Variants in PRKD1 observed in about 807,000 individuals in gnomAD.
The protein encoded by PRKD1 is serine/threonine-protein kinase D1.
PRKD1 carries 63 observed loss-of-function variants against 95.9 expected under a neutral mutation model. The observed-to-expected ratio is 0.66, with a 90% CI of 0.54 to 0.81. PRKD1 has a LOEUF of 0.81. PRKD1 is among the 30% of genes least tolerant of loss of function. PRKD1 has a pLI of 0.00. For synonymous variants in PRKD1, 425 were observed against 423.1 expected (o/e 1.00, Z -0.05); for missense variants, 1,048 against 1,165.3 (o/e 0.90, Z 1.47).
At chr14:29,845,709 A>G (rs1892052664) in intron 1 of PRKD1, among the ~76,000 whole-genome samples, 1 of 152,256 alleles carries the variant, frequency 6.6e-6, no homozygotes, top group Non-Finnish European at 1.5e-5. Flanking sequence ...ACAGTATAAC[A>G]GAAATAATGT....
In PRKD1 at chr14:29,708,585, C is replaced by T. The variant is rs548527327; in HGVS notation, c.403+16951G>A. Among the ~76,000 whole-genome samples, 25 of 152,222 alleles carry T rather than the reference C, an allele frequency of 1.6e-4. No homozygotes were observed. The South Asian group carries it at 5.2e-3, about 32-fold the overall frequency. On this transcript the variant is annotated intron_variant, in intron 2 of 17. Transcript: ENST00000331968. ...TAAGAAAAAAAATCTTTAGGCTGGG[C>T]GCACTGGCTCACGCCTGTAATCCCT...
At chr14:29,887,227 T>C (rs1482074485) in intron 1 of PRKD1, among the ~76,000 whole-genome samples, 1 of 152,148 alleles carries the variant, frequency 6.6e-6, no homozygotes, top group Non-Finnish European at 1.5e-5. Flanking sequence ...AAGATGATAA[T>C]GAATTAACTA....
intron 1 of PRKD1, among the ~76,000 whole-genome samples, chr14:29,750,622 A>G (rs1887436509): frequency 6.7e-6 from 1 of 149,588 alleles, no homozygotes; most frequent in Admixed American, 7.0e-5. Flanking sequence ...GCGCGCACAC[A>G]CACACACACA....
intron 13 of PRKD1, among the ~76,000 whole-genome samples, chr14:29,623,793 C>A (rs1594371391): frequency 6.6e-6 from 1 of 152,044 alleles, no homozygotes; most frequent in East Asian, 1.9e-4. Context: ...CAGTTACATA[C>A]CCAATTCATG....
chr14:29,926,576 G>T (rs570208867), intron 1 of PRKD1, among the ~76,000 whole-genome samples: 1 of 152,134 alleles, frequency 6.6e-6, no homozygotes, highest in African/African-American at 2.4e-5. Context: ...CAGCCTCGGG[G>T]TGTTCCTGGA....
chr14:29,645,771 T>A (rs1469474660), intron 4 of PRKD1, among the ~76,000 whole-genome samples: 1 of 152,148 alleles, frequency 6.6e-6, no homozygotes, highest in Non-Finnish European at 1.5e-5. Context: ...CCTTTCTTCA[T>A]AGATGGTTTC....
chr14:29,750,964 A>G (rs946016), intron 1 of PRKD1, among the ~76,000 whole-genome samples: 33,972 of 151,772 alleles, frequency 0.22, 4,030 homozygotes, highest in African/African-American at 0.27. Flanking sequence ...TTTTACATCC[A>G]CTCCTCTTTT....
intron 2 of PRKD1, among the ~76,000 whole-genome samples, chr14:29,688,064 T>C (rs1883986844): frequency 6.6e-6 from 1 of 152,194 alleles, no homozygotes; most frequent in African/African-American, 2.4e-5. Flanking sequence ...GTCAGCAGTC[T>C]GCATTTCTTC....
intron 1 of PRKD1, among the ~76,000 whole-genome samples, chr14:29,805,568 C>T (rs760885552): frequency 3.3e-5 from 5 of 152,208 alleles, no homozygotes; most frequent in Non-Finnish European, 5.9e-5. Flanking sequence ...CTACGTGCCA[C>T]GAATCGTTCT....
In PRKD1 at chr14:29,748,660, T is replaced by C. The variant is rs551031770; in HGVS notation, c.265-22986A>G. Among the ~76,000 whole-genome samples the C allele has an allele frequency of 2.0e-5, 3 of 152,362 alleles. No homozygotes were observed. The East Asian group carries it at 5.8e-4, about 29-fold the overall frequency. Reference sequence around the variant, plus strand: ...GCTTCCAGGAAGCAGGGATCTTGTCTACAACATTCACTGCTGTATCCAGCA... The same window carrying C: ...GCTTCCAGGAAGCAGGGATCTTGTCCACAACATTCACTGCTGTATCCAGCA... On this transcript the variant is annotated intron_variant, in intron 1 of 17. Transcript: ENST00000331968.
At position 29,923,245 on chromosome 14, in the gene PRKD1, A is replaced by AC. The variant is rs1491558968; in HGVS notation, c.264+4003_264+4004insG. Among the ~76,000 whole-genome samples, 10 of 147,404 alleles carry AC rather than the reference A, an allele frequency of 6.8e-5. No homozygotes were observed. The East Asian group carries it at 1.2e-3, about 18-fold the overall frequency. On this transcript the variant is annotated intron_variant, in intron 1 of 17. Transcript: ENST00000331968. ...ATTCTGTCAAAAAAAAAAAAAAAAA[A>AC]ACACACAGTAAAATGACAAATTCTA...
chr14:29,583,819 C>A (rs1421638829), intron 16 of PRKD1, among the ~76,000 whole-genome samples: 1 of 152,072 alleles, frequency 6.6e-6, no homozygotes, highest in South Asian at 2.1e-4. Context: ...ATGTTCCCTA[C>A]AAATTATAAA....
chr14:29,796,598 T>C (rs1431587898), intron 1 of PRKD1, among the ~76,000 whole-genome samples: 1 of 152,116 alleles, frequency 6.6e-6, no homozygotes, highest in Non-Finnish European at 1.5e-5. Flanking sequence ...CTTTCAGGGA[T>C]TCCAAAATTA....
At chr14:29,699,465 G>C (rs1884714924) in intron 2 of PRKD1, among the ~76,000 whole-genome samples, 1 of 151,976 alleles carries the variant, frequency 6.6e-6, no homozygotes, top group Non-Finnish European at 1.5e-5. Context: ...TAGTTCTTCT[G>C]TAAACTGTCC....
chr14:29,694,219 GA>G (rs1367095992), intron 2 of PRKD1, among the ~76,000 whole-genome samples: 1 of 152,154 alleles, frequency 6.6e-6, no homozygotes, highest in African/African-American at 2.4e-5. Context: ...CAACTATGCA[GA>G]ATACAGTAAA....
At chr14:29,911,264 C>T (rs1449662860) in intron 1 of PRKD1, among the ~76,000 whole-genome samples, 1 of 152,074 alleles carries the variant, frequency 6.6e-6, no homozygotes, top group Non-Finnish European at 1.5e-5. Context: ...TGTTTGAAAG[C>T]ATTTAATAAT....
chr14:29,714,530 G>A (rs1885501456), intron 2 of PRKD1, among the ~76,000 whole-genome samples: 2 of 152,118 alleles, frequency 1.3e-5, no homozygotes, highest in Non-Finnish European at 2.9e-5. Flanking sequence ...TTAGTTCAAC[G>A]ATTGTGGAAG....
chr14:29,920,774 T>G lies in PRKD1; in HGVS notation c.264+6475A>C, dbSNP rs183400486. On this transcript the variant is annotated intron_variant, in intron 1 of 17. Transcript: ENST00000331968. ...GGGAATATCTAAAAAAGACTTGTGA[T>G]TGGTTTTGCCAAACTGATAACTCAA... 9.2e-5 allele frequency among the ~76,000 whole-genome samples: 14 copies of G among 152,348 alleles called. No homozygotes were observed. In the East Asian group the frequency reaches 2.3e-3, roughly 25 times the overall value.
Position 29,624,141 on chromosome 14 carries a change from C to A in PRKD1, c.1905+11G>T, listed in dbSNP as rs1370827947. 5.1e-6 allele frequency: 8 copies of A among 1,571,820 alleles called. No homozygotes were observed. The highest frequency in any genetic ancestry group is 6.9e-6 in the Non-Finnish European group (8 of 1,154,780). On this transcript the variant is annotated intron_variant, in intron 13 of 17. Transcript: ENST00000331968. ...TTATACCCTTTCCCCAAATGAGAAC[C>A]AAAGAAGTACCTGTAGAATTGCAAC...
Sources: gnomAD v4.1 joint callset for allele counts (sites outside exome capture counted in the v4.1 genomes callset) on GRCh38, gnomAD v4.1.1 for gene constraint, MANE v1.5 for transcripts, NCBI Gene and HGNC (gene_info 2026-07-23, HGNC 2026-07-21) for gene names.